Variants in LRRC7 observed in about 807,000 individuals in gnomAD.
LRRC7 encodes the protein leucine-rich repeat-containing protein 7.
LRRC7 carries 23 observed loss-of-function variants against 175.7 expected under a neutral mutation model. The observed-to-expected ratio is 0.13, with a 90% CI of 0.09 to 0.19. The LOEUF (loss-of-function observed/expected upper bound fraction) is 0.19, where lower values mean the gene tolerates loss of function less well. Among genes scored for constraint, LRRC7 ranks in the 10% least tolerant of loss-of-function variants. The probability of loss-of-function intolerance (pLI) is 1.00; values close to 1 mark genes in which losing one functional copy is unlikely to be tolerated. For missense variants in LRRC7, 1,354 were observed against 1,904.7 expected (o/e 0.71, Z 5.38); for synonymous variants, 685 against 680.9 (o/e 1.01, Z -0.09).
rs200421856 is a variant in LRRC7, at chr1:69,986,266, G to C, written c.811G>C (p.Val271Leu). The C allele has an allele frequency of 1.2e-6, 2 of 1,613,278 alleles. No individual in the cohort carries two copies. Among genetic ancestry groups the C allele is most frequent in the East Asian group, 2.2e-5 (1 of 44,704 alleles). ...GTCTATAGGGAAGTTAAAGATGTTGGTATACCTGGATATGTCAAAAAACAG... is the reference window on the plus strand; with the variant it reads ...GTCTATAGGGAAGTTAAAGATGTTGCTATACCTGGATATGTCAAAAAACAG... The part of the protein sequence containing the change: ...PGSIGKLKML[V>L]YLDMSKNRIE... The change falls in exon 10 of 27, where the codon GTA (valine) becomes CTA (leucine). Residue 271 changes from valine to leucine, a missense_variant. Physicochemically the swap from Val to Leu is conservative, Grantham distance 32. Around this residue, in one of 4 missense-constraint regions of LRRC7, gnomAD observed 201 missense variants for 481.4 expected, o/e 0.42. Transcript: ENST00000651989.
At chr1:69,695,019 G>A (rs145990221) in intron 2 of LRRC7, among the ~76,000 whole-genome samples, 132 of 152,314 alleles carry the variant, frequency 8.7e-4, no homozygotes, top group African/African-American at 2.8e-3. Context: ...CTGGATAATA[G>A]GCAGAGGTTG....
At chr1:69,928,906 C>T (rs1037829446) in intron 7 of LRRC7, among the ~76,000 whole-genome samples, 11 of 152,232 alleles carry the variant, frequency 7.2e-5, no homozygotes, top group Non-Finnish European at 1.5e-4. Flanking sequence ...GCGTCGCTTA[C>T]GCTGGGAGCT....
At chr1:69,571,792 C>A (rs369709113) in intron 1 of LRRC7, among the ~76,000 whole-genome samples, 2 of 152,036 alleles carry the variant, frequency 1.3e-5, no homozygotes, top group Non-Finnish European at 2.9e-5. Flanking sequence ...TCAGATTAAC[C>A]GACTACACGA....
At chr1:69,589,347 G>C (rs372496086) in intron 1 of LRRC7, among the ~76,000 whole-genome samples, 1 of 152,180 alleles carries the variant, frequency 6.6e-6, no homozygotes, top group South Asian at 2.1e-4. Flanking sequence ...TATATTTTAT[G>C]TTCTTATCTG....
intron 10 of LRRC7, among the ~76,000 whole-genome samples, chr1:69,993,691 A>G (rs149573325): frequency 1.1e-4 from 17 of 152,328 alleles, no homozygotes; most frequent in Admixed American, 7.2e-4. Flanking sequence ...TTACTATGTC[A>G]ATTAGTAAAA....
chr1:69,928,530 C>T (rs1052195191), intron 7 of LRRC7, among the ~76,000 whole-genome samples: 3 of 152,344 alleles, frequency 2.0e-5, no homozygotes, highest in South Asian at 4.1e-4. Context: ...CCTCCCCCAG[C>T]GTTGCTGCCG....
intron 1 of LRRC7, among the ~76,000 whole-genome samples, chr1:69,640,146 T>G (rs1254175157): frequency 6.6e-6 from 1 of 151,792 alleles, no homozygotes; most frequent in African/African-American, 2.4e-5. Flanking sequence ...AGGAAAAACA[T>G]TCTAGCATTT....
chr1:69,632,310 A>G (rs541625233), intron 1 of LRRC7, among the ~76,000 whole-genome samples: 68 of 152,288 alleles, frequency 4.5e-4, no homozygotes, highest in African/African-American at 1.6e-3. Flanking sequence ...AGGATAGGAC[A>G]CAGTTTTGTC....
At chr1:69,917,548 A>G (rs1374718890) in intron 7 of LRRC7, among the ~76,000 whole-genome samples, 3 of 152,018 alleles carry the variant, frequency 2.0e-5, no homozygotes, top group African/African-American at 7.2e-5. Flanking sequence ...ACATTTGACA[A>G]TGTCTGGAGA....
chr1:69,931,717 T>C (rs752503280), intron 8 of LRRC7, 147 bp downstream of exon 8: 25 of 686,942 alleles, frequency 3.6e-5, no homozygotes, highest in Admixed American at 1.4e-4. Flanking sequence ...ATATTAGCTT[T>C]CACTTTTTGG....
At chr1:69,627,867 T>C (rs1371760696) in intron 1 of LRRC7, among the ~76,000 whole-genome samples, 1 of 151,506 alleles carries the variant, frequency 6.6e-6, no homozygotes. Context: ...TAATGTAAGA[T>C]AAAGATCTAA....
At chr1:69,677,794 C>T (rs948780359) in intron 1 of LRRC7, among the ~76,000 whole-genome samples, 2 of 151,994 alleles carry the variant, frequency 1.3e-5, no homozygotes, top group African/African-American at 2.4e-5. Context: ...ACCATAGACT[C>T]GGTGGCTTAA....
At chr1:69,761,206 T>A (rs1206274076) in intron 3 of LRRC7, among the ~76,000 whole-genome samples, 1 of 152,006 alleles carries the variant, frequency 6.6e-6, no homozygotes, top group Non-Finnish European at 1.5e-5. Flanking sequence ...GGTATTTACC[T>A]GTGAAGGATT....
chr1:70,102,418 G>A (rs140373600), intron 25 of LRRC7, among the ~76,000 whole-genome samples: 1 of 152,344 alleles, frequency 6.6e-6, no homozygotes, highest in African/African-American at 2.4e-5. Context: ...TCTAAACAGA[G>A]AGGAAAAGAA....
chr1:69,976,421 C>T (rs761267872), intron 8 of LRRC7, among the ~76,000 whole-genome samples: 1 of 152,154 alleles, frequency 6.6e-6, no homozygotes, highest in Non-Finnish European at 1.5e-5. Flanking sequence ...TTGTGCCCAC[C>T]CAGTTAAGGG....
chr1:70,078,685 A>G (rs1367466337), intron 24 of LRRC7, among the ~76,000 whole-genome samples: 1 of 152,118 alleles, frequency 6.6e-6, no homozygotes, highest in Admixed American at 6.5e-5. Context: ...CCAAGTTGTT[A>G]ACTCTTCCTG....
chr1:69,648,647 A>G (rs1434561076), intron 1 of LRRC7, among the ~76,000 whole-genome samples: 2 of 152,200 alleles, frequency 1.3e-5, no homozygotes, highest in African/African-American at 4.8e-5. Flanking sequence ...AACCTCTGCT[A>G]TATGAATCAA....
At chr1:69,823,533 G>T (rs1679542189) in intron 4 of LRRC7, among the ~76,000 whole-genome samples, 2 of 148,744 alleles carry the variant, frequency 1.3e-5, no homozygotes, top group Non-Finnish European at 3.0e-5. Context: ...TTAAAAGTGT[G>T]TGTGTGGGAA....
chr1:69,707,905 C>G (rs1462847149), intron 2 of LRRC7, among the ~76,000 whole-genome samples: 1 of 152,134 alleles, frequency 6.6e-6, no homozygotes, highest in Admixed American at 6.6e-5. Context: ...TCCTTCACTG[C>G]ACATTATATA....
Sources: gnomAD v4.1 joint callset for allele counts (sites outside exome capture counted in the v4.1 genomes callset) on GRCh38, gnomAD v4.1.1 for gene constraint, gnomAD v4.1.1 regional missense constraint, MANE v1.5 for transcripts, NCBI Gene and HGNC (gene_info 2026-07-23, HGNC 2026-07-21) for gene names.